COA5: variants seen among roughly 807,000 people sequenced by gnomAD.
The protein encoded by COA5 is protein C2orf64.
A neutral mutation model predicts 11.8 loss-of-function variants in COA5; 11 were observed. That is an observed-to-expected ratio of 0.93 (90% CI 0.59 to 1.54). COA5 has a LOEUF of 1.54. Ranked by LOEUF, COA5 falls within the 40% of genes most tolerant of loss-of-function variation. COA5 has a pLI of 0.00. For synonymous variants in COA5, 38 were observed against 37.5 expected (o/e 1.01, Z -0.05); for missense variants, 87 against 89.2 (o/e 0.97, Z 0.10).
intron 2 of COA5, among the ~76,000 whole-genome samples, chr2:98,603,015 G>A (rs1044296996): frequency 6.6e-6 from 1 of 152,192 alleles, no homozygotes; most frequent in Non-Finnish European, 1.5e-5. Context: ...AAAGTAAACA[G>A]AGCAGGGCCA....
rs182627690 is a variant in COA5, at chr2:98,607,605, C to T, written c.99+702G>A. ...TGCACACAATTGAATGCCCTCTCGT[C>T]GGGCCTCTGCAATTGGAAAAGGCAC... On this transcript the variant is annotated intron_variant, in intron 1 of 2. Coordinates refer to ENST00000328709, the MANE Select transcript of COA5 (RefSeq NM_001008215.3). Among the ~76,000 whole-genome samples, 13 of 152,290 alleles carry T rather than the reference C, an allele frequency of 8.5e-5. No individual in the cohort carries two copies. In the East Asian group the frequency reaches 2.3e-3, roughly 27 times the overall value.
chr2:98,607,490 C>T (rs1700723420), intron 1 of COA5, among the ~76,000 whole-genome samples: 1 of 152,210 alleles, frequency 6.6e-6, no homozygotes, highest in Non-Finnish European at 1.5e-5. Context: ...AACACTGGTA[C>T]AGTCTTACAG....
intron 1 of COA5, chr2:98,604,772 A>C (rs1700687267): frequency 6.4e-6 from 1 of 155,754 alleles, no homozygotes; most frequent in South Asian, 2.0e-4. Flanking sequence ...TTTCCTATGA[A>C]AAGCTACAGG....
rs549829035 is a variant in COA5 at position 98,607,806 on chromosome 2, C to T, written c.99+501G>A. 7.2e-5 allele frequency among the ~76,000 whole-genome samples: 11 copies of T among 152,228 alleles called. 1 individual carries two copies. In the South Asian group the frequency reaches 2.1e-3, roughly 29 times the overall value. ...AAAATATGGAGTTGCCTTATTTTTA[C>T]AACTTAACATCCAAGAATGCAGAGA... On this transcript the variant is annotated intron_variant, in intron 1 of 2. Transcript: ENST00000328709.
Position 98,602,019 on chromosome 2 carries a change from G to A in COA5, c.184-1226C>T, listed in dbSNP as rs17034149. The stretch of plus-strand genomic sequence containing the variant: ...ATAGGAAGGAATTATTTTAGAGACA[G>A]ACCCTGCCAGTTAGTCCAACAAAGT... On this transcript the variant is annotated intron_variant, in intron 2 of 2. Transcript: ENST00000328709. 6.4e-3 allele frequency among the ~76,000 whole-genome samples: 982 copies of A among 152,252 alleles called. 16 individuals carry two copies. The highest frequency in any genetic ancestry group is 0.022 in the African/African-American group (919 of 41,532).
At position 98,608,467 on chromosome 2, in the gene COA5, C is replaced by G. The variant is rs866608151; in HGVS notation, c.-62G>C. 6 of 1,312,348 alleles carry G rather than the reference C, an allele frequency of 4.6e-6. 1 individual carries two copies. The Middle Eastern group carries it at 5.4e-4, about 118-fold the overall frequency. The allele number at this position is 1,312,348 out of a possible 1,614,324, so 81.3% of individuals were successfully genotyped here. ...CCCACCGCAACACTTGCAACCGGGT[C>G]GGGAGCGAGCGAGGCCCCAGTCTCA... On this transcript the variant is annotated 5_prime_UTR_variant, in exon 1 of 3. Coordinates refer to ENST00000328709, the MANE Select transcript of COA5 (RefSeq NM_001008215.3).
At position 98,608,498 on chromosome 2, in the gene COA5, C is replaced by A; in HGVS notation, c.-93G>T. On this transcript the variant is annotated 5_prime_UTR_variant, in exon 1 of 3. Transcript: ENST00000328709. ...CGAGCGAGGCCCCAGTCTCAGGGGACCGGAAGCCAGCGGCAACAACTTCCG... is the reference window on the plus strand; with the variant it reads ...CGAGCGAGGCCCCAGTCTCAGGGGAACGGAAGCCAGCGGCAACAACTTCCG... 2.0e-6 allele frequency: 2 copies of A among 1,016,294 alleles called. No homozygotes were observed. The highest frequency in any genetic ancestry group is 3.0e-6 in the Non-Finnish European group (2 of 670,978). The allele number at this position is 1,016,294 out of a possible 1,614,324, so 63.0% of individuals were successfully genotyped here.
At chr2:98,602,234 C>T (rs935638318) in intron 2 of COA5, 1 of 152,238 alleles carries the variant, frequency 6.6e-6, no homozygotes, top group Non-Finnish European at 1.5e-5. Context: ...AAATTACCCA[C>T]ACAATTTAAA....
chr2:98,602,792 T>C (rs942200723), intron 2 of COA5: 7 of 153,860 alleles, frequency 4.5e-5, no homozygotes, highest in African/African-American at 1.4e-4. Context: ...TGAAAGTAGA[T>C]AAATTGTAAA....
intron 2 of COA5, among the ~76,000 whole-genome samples, chr2:98,602,955 GAAAATCCTCC>G (rs1700661122): frequency 6.6e-6 from 1 of 152,182 alleles, no homozygotes; most frequent in South Asian, 2.1e-4. Context: ...GAGAAGGCAA[GAAAATCCTCC>G]TCTATTCACA....
chr2:98,606,253 A>T (rs1217509647), intron 1 of COA5, among the ~76,000 whole-genome samples: 3 of 152,206 alleles, frequency 2.0e-5, no homozygotes, highest in Non-Finnish European at 4.4e-5. Flanking sequence ...GGTCTTTCAG[A>T]GTCCCCAGTG....
At chr2:98,602,893 T>C (rs1700660201) in intron 2 of COA5, among the ~76,000 whole-genome samples, 1 of 152,198 alleles carries the variant, frequency 6.6e-6, no homozygotes, top group South Asian at 2.1e-4. Flanking sequence ...CGCTTTGAAA[T>C]TCTTGACAAA....
At chr2:98,605,496 A>G (rs1700695548) in intron 1 of COA5, among the ~76,000 whole-genome samples, 1 of 152,244 alleles carries the variant, frequency 6.6e-6, no homozygotes. Flanking sequence ...AGACTGAGGG[A>G]AATGACTAGG....
At chr2:98,601,923 C>T (rs991269077) in intron 2 of COA5, among the ~76,000 whole-genome samples, 1 of 152,146 alleles carries the variant, frequency 6.6e-6, no homozygotes, top group Non-Finnish European at 1.5e-5. Flanking sequence ...CCCCCTTCCC[C>T]GTCCGTGGAA....
intron 2 of COA5, among the ~76,000 whole-genome samples, chr2:98,601,434 G>C (rs1700640038): frequency 1.3e-5 from 2 of 152,138 alleles, no homozygotes; most frequent in Non-Finnish European, 2.9e-5. Flanking sequence ...GATGAGCCCT[G>C]AAAAATGTTA....
At chr2:98,600,831 A>G (rs777487455) in intron 2 of COA5, 38 bp from the exon 3 acceptor site, 20 of 1,357,262 alleles carry the variant, frequency 1.5e-5, no homozygotes, top group Middle Eastern at 1.8e-4. Flanking sequence ...ATTTGGTACA[A>G]TGTAATTAAT....
intron 2 of COA5, 47 bp from the exon 3 acceptor site, chr2:98,600,840 A>G: frequency 2.4e-6 from 3 of 1,228,958 alleles, no homozygotes; most frequent in South Asian, 1.2e-5. Flanking sequence ...AATGTAATTA[A>G]TTAAACACCC....
Position 98,608,356 on chromosome 2 carries a change from A to T in COA5, c.50T>A (p.Leu17Gln). 1.2e-6 allele frequency: 2 copies of T among 1,609,816 alleles called. No individual in the cohort carries two copies. Among genetic ancestry groups the T allele is most frequent in the Non-Finnish European group, 1.7e-6 (2 of 1,178,872 alleles). The stretch of plus-strand genomic sequence containing the variant: ...CAGACACGCGCCCAGGTCCTCCTTC[A>T]GGCCCGCGCACGCGCCGCCCTGCGG... ...DKPQGGACAG[L>Q]KEDLGACLLQ... Residue 17 changes from leucine (L) to glutamine (Q), a missense_variant, in exon 1 of 3, where the codon CTG (leucine) becomes CAG (glutamine). Physicochemically the swap from Leu to Gln is moderately radical, Grantham distance 113. Coordinates refer to ENST00000328709, the MANE Select transcript of COA5 (RefSeq NM_001008215.3).
Position 98,599,666 on chromosome 2 carries a change from A to T in COA5, c.*1086T>A, listed in dbSNP as rs1424000742. On this transcript the variant is annotated 3_prime_UTR_variant, in exon 3 of 3. Transcript: ENST00000328709. ...TATAAAGACGCTAGAGTTCTTTGTAATTCTTCAGTGCCAAAAATAATAAAG... is the reference window on the plus strand; with the variant it reads ...TATAAAGACGCTAGAGTTCTTTGTATTTCTTCAGTGCCAAAAATAATAAAG... The T allele has an allele frequency of 6.6e-6, 1 of 152,254 alleles. No homozygotes were observed. The highest frequency in any genetic ancestry group is 1.5e-5 in the Non-Finnish European group (1 of 68,048). 9.4% of individuals were successfully genotyped at this position (152,254 alleles called of 1,614,324 possible).
Sources: allele counts gnomAD v4.1 joint callset (sites outside exome capture counted in the v4.1 genomes callset), GRCh38; gene constraint gnomAD v4.1.1; transcripts MANE v1.5; gene names NCBI Gene and HGNC (gene_info 2026-07-23, HGNC 2026-07-21).